Variants in AP3B2 observed in about 807,000 individuals in gnomAD.
AP3B2 encodes the protein adaptor related protein complex 3 subunit beta 2.
Under a neutral mutation model 126.9 loss-of-function variants are expected in AP3B2, and 50 were observed. The observed-to-expected ratio is 0.39, with a 90% CI of 0.31 to 0.50. The LOEUF (loss-of-function observed/expected upper bound fraction) is 0.50. Ranked by LOEUF, AP3B2 falls within the 20% of genes least tolerant of loss-of-function variation. AP3B2 has a pLI of 0.79. For missense variants in AP3B2, 1,177 were observed against 1,426.4 expected, an observed-to-expected ratio of 0.83 and a Z score of 2.82; for synonymous variants, 541 against 565.0, an observed-to-expected ratio of 0.96 and a Z score of 0.60.
chr15:82,690,389 G>A (rs933479206), intron 1 of AP3B2, among the ~76,000 whole-genome samples: 3 of 151,918 alleles, frequency 2.0e-5, no homozygotes, highest in Admixed American at 6.6e-5. Flanking sequence ...TCCTCCTAAT[G>A]CTATCCCTCC....
chr15:82,700,431 T>C (rs1181161126), intron 1 of AP3B2, among the ~76,000 whole-genome samples: 1 of 129,106 alleles, frequency 7.7e-6, no homozygotes, highest in Admixed American at 8.1e-5. Flanking sequence ...GGAGTTTCAC[T>C]CTTATTGCCC....
At position 82,659,627 on chromosome 15, in the gene AP3B2, A is replaced by G. The variant is rs1555463929; in HGVS notation, c.3239T>C (p.Val1080Ala). ...ARPAGAAQLT[V>A]NSEKMVIGTM... ...GCCAATCACCATTTTCTCGCTGTTG[A>G]CAGTCAGCTGGGCAGCTCCAGCTGG... The change falls in exon 27 of 27, where the codon GTC becomes GCC. Residue 1080 changes from valine (V) to alanine (A), a missense_variant. This residue lies in a region of AP3B2 where 587 missense variants were observed against 571.3 expected (regional missense o/e 1.03). Transcript: ENST00000535359. 1.9e-6 allele frequency: 3 copies of G among 1,613,954 alleles called. No individual in the cohort carries two copies. In the Admixed American group the frequency reaches 5.0e-5, roughly 27 times the overall value.
In AP3B2 at chr15:82,660,499, C is replaced by T. The variant is rs189322442; in HGVS notation, c.3017-516G>A. On this transcript the variant is annotated intron_variant, in intron 25 of 26. Transcript: ENST00000535359. ...AATTGTACCTCTGCAGTAGCAGCTC[C>T]AGACCTAGCCAGGGCTCCTGAAGCC... is the stretch of plus-strand genomic sequence containing the variant. 7.7e-3 allele frequency among the ~76,000 whole-genome samples: 1,178 copies of T among 152,284 alleles called. 54 individuals carry two copies. Among genetic ancestry groups the T allele is most frequent in the Admixed American group, 0.068 (1,033 of 15,298 alleles).
chr15:82,686,486 C>T (rs1339423560), intron 4 of AP3B2: 4 of 152,190 alleles, frequency 2.6e-5, no homozygotes, highest in African/African-American at 9.7e-5. Context: ...ATGCAAATTA[C>T]TAGCACAGGA....
intron 1 of AP3B2, chr15:82,699,779 G>C (rs746735573): frequency 4.8e-5 from 19 of 399,154 alleles, no homozygotes; most frequent in Non-Finnish European, 8.0e-5. Flanking sequence ...CCACCTTCGG[G>C]AGCCAGCACA....
rs1283112701 is a variant in AP3B2 at position 82,662,742 on chromosome 15, T to A, written c.2785A>T (p.Thr929Ser). 5 of 1,613,822 alleles carry A rather than the reference T, an allele frequency of 3.1e-6. No homozygotes were observed. Among genetic ancestry groups the A allele is most frequent in the Non-Finnish European group, 4.2e-6 (5 of 1,179,862 alleles). The change falls in exon 23 of 27, where the codon ACT becomes TCT. Residue 929 changes from threonine (T) to serine (S), a missense_variant. Physicochemically the swap from Thr to Ser is moderately conservative, Grantham distance 58. Around this residue, in one of 5 missense-constraint regions of AP3B2, gnomAD observed 587 missense variants for 571.3 expected, o/e 1.03. Transcript: ENST00000535359. ...CTGATGCCAGCAGGCAGTTTGGGAGTGCCCACATGCAGGCCCTTGATGGGG... is the reference window on the plus strand; with the variant it reads ...CTGATGCCAGCAGGCAGTTTGGGAGAGCCCACATGCAGGCCCTTGATGGGG... The part of the protein sequence containing the change: ...DTPIKGLHVG[T>S]PKLPAGISIQ...
intron 1 of AP3B2, among the ~76,000 whole-genome samples, chr15:82,695,428 G>A (rs1218337766): frequency 2.6e-5 from 4 of 152,042 alleles, no homozygotes; most frequent in African/African-American, 9.7e-5. Flanking sequence ...CCCACTATTT[G>A]ACCTCTGGGG....
intron 1 of AP3B2, among the ~76,000 whole-genome samples, chr15:82,707,123 C>T (rs186179917): frequency 1.2e-4 from 19 of 152,264 alleles, no homozygotes; most frequent in African/African-American, 4.6e-4. Flanking sequence ...AGTCCAATAA[C>T]AGACCAGCCT....
chr15:82,677,506 C>T, intron 12 of AP3B2, 123 bp from the exon 13 acceptor site: 2 of 1,358,924 alleles, frequency 1.5e-6, no homozygotes, highest in Non-Finnish European at 1.0e-6. Context: ...AGTTCTCTAG[C>T]AGCCCTCAGA....
At position 82,680,455 on chromosome 15, in the gene AP3B2, C is replaced by A; in HGVS notation, c.1055+17G>T. 8.0e-7 allele frequency: 1 copy of A among 1,257,090 alleles called. No individual in the cohort carries two copies. Among genetic ancestry groups the A allele is most frequent in the East Asian group, 3.9e-5 (1 of 25,606 alleles). The allele number at this position is 1,257,090 out of a possible 1,614,324, so 77.9% of individuals were successfully genotyped here. A position where few individuals can be genotyped will look rare whatever the true frequency, so the allele number is the denominator to read the frequency against. ...GCAGGAGGCGAGGGAGGGGGCGGGG[C>A]TGGGGGCGGAGCGCACCTGTGGCTG... On this transcript the variant is annotated intron_variant, in intron 8 of 26. Transcript: ENST00000535359. This position sits in a 1 kb window ranked among gnomAD's most constrained non-coding sequence, Gnocchi z 6.1.
intron 9 of AP3B2, 64 bp from the exon 10 acceptor site, chr15:82,679,864 A>T: frequency 6.9e-7 from 1 of 1,455,292 alleles, no homozygotes; most frequent in Non-Finnish European, 9.6e-7. Flanking sequence ...CTGCCCAGAG[A>T]CACCCCTCCT....
At chr15:82,666,964 A>AAAT (rs746017525) in intron 14 of AP3B2, 31 bp from the exon 15 acceptor site, 1 of 1,593,484 alleles carries the variant, frequency 6.3e-7, no homozygotes, top group South Asian at 1.1e-5. Context: ...GGGTCAGCTG[A>AAAT]CGGGGGGATG....
At chr15:82,670,111 T>TTTG (rs2048128942) in intron 14 of AP3B2, among the ~76,000 whole-genome samples, 1 of 89,130 alleles carries the variant, frequency 1.1e-5, no homozygotes, top group South Asian at 2.8e-4. Context: ...TTTTTTTTTT[T>TTTG]TGGCGGGGGG....
At position 82,664,511 on chromosome 15, in the gene AP3B2, G is replaced by A; in HGVS notation, c.2138-21C>T. The stretch of plus-strand genomic sequence containing the variant: ...AGGGTCTGTGGAGGAACAATATGAG[G>A]CCTCCTCCCTCATATGCAGGCCTCC... On this transcript the variant is annotated intron_variant, in intron 18 of 26. Transcript: ENST00000535359. This position sits in a 1 kb window ranked among gnomAD's most constrained non-coding sequence, Gnocchi z 4.5. 2 of 1,606,714 alleles carry A rather than the reference G, an allele frequency of 1.2e-6. No individual in the cohort carries two copies. The highest frequency in any genetic ancestry group is 1.7e-6 in the Non-Finnish European group (2 of 1,176,706).
chr15:82,700,059 C>T (rs1036107932), intron 1 of AP3B2, among the ~76,000 whole-genome samples: 2 of 151,976 alleles, frequency 1.3e-5, no homozygotes, highest in Non-Finnish European at 2.9e-5. Context: ...GGAGACCAAG[C>T]CTACCCCTAG....
At chr15:82,693,140 A>G (rs1281709572) in intron 1 of AP3B2, among the ~76,000 whole-genome samples, 1 of 152,178 alleles carries the variant, frequency 6.6e-6, no homozygotes, top group East Asian at 1.9e-4. Context: ...GGGGAATTTC[A>G]TAAAAGGTCT....
rs934642490 is a variant in AP3B2, at chr15:82,678,013, C to T, written c.1245+92G>A. On this transcript the variant is annotated intron_variant, in intron 11 of 26. Coordinates refer to ENST00000535359, the MANE Select transcript of AP3B2 (RefSeq NM_001278512.2). ...GAATGTAAGATAATAGTTTCTCCAG[C>T]CTTGGGCTCATAAGAGGAGGTTTAC... 8.8e-6 allele frequency: 13 copies of T among 1,473,606 alleles called. No homozygotes were observed. The African/African-American group carries it at 1.5e-4, about 17-fold the overall frequency. 91.3% of individuals were successfully genotyped at this position (1,473,606 alleles called of 1,614,324 possible). A position where few individuals can be genotyped will look rare whatever the true frequency, so the allele number is the denominator to read the frequency against.
In AP3B2 at chr15:82,662,068, A is replaced by G. The variant is rs1596165451; in HGVS notation, c.2918+100T>C. The G allele has an allele frequency of 1.3e-5, 18 of 1,336,540 alleles. No individual in the cohort carries two copies. In the East Asian group the frequency reaches 4.3e-4, roughly 32 times the overall value. 82.8% of individuals were successfully genotyped at this position (1,336,540 alleles called of 1,614,324 possible). ...AGATGGCTTCCAGACCCACCCAATCATGATGTATCCCCACTAAGCACCACC... is the reference window on the plus strand; with the variant it reads ...AGATGGCTTCCAGACCCACCCAATCGTGATGTATCCCCACTAAGCACCACC... On this transcript the variant is annotated intron_variant, in intron 24 of 26. Transcript: ENST00000535359.
rs993546218 is a variant in AP3B2 at position 82,678,176 on chromosome 15, A to C, written c.1183-9T>G. The stretch of plus-strand genomic sequence containing the variant: ...TTGGTCAGCACTTCCAGCTGCAGGG[A>C]GGGTTGGAGAGGCAGAAAATGGGTG... On this transcript the variant is annotated splice_polypyrimidine_tract_variant and intron_variant, in intron 10 of 26. Transcript: ENST00000535359. The C allele has an allele frequency of 1.2e-6, 2 of 1,613,456 alleles. No individual in the cohort carries two copies. The highest frequency in any genetic ancestry group is 1.7e-6 in the Non-Finnish European group (2 of 1,179,762).
Sources: allele counts gnomAD v4.1 joint callset (sites outside exome capture counted in the v4.1 genomes callset), GRCh38; gene constraint gnomAD v4.1.1; regional missense constraint gnomAD v4.1.1; non-coding constraint Gnocchi (gnomAD v3.1); transcripts MANE v1.5; gene names NCBI Gene and HGNC (gene_info 2026-07-23, HGNC 2026-07-21).